Variants in ABCA12 observed in about 807,000 individuals in gnomAD.
ABCA12 encodes the protein glucosylceramide transporter ABCA12.
Under a neutral mutation model 293.5 loss-of-function variants are expected in ABCA12, and 156 were observed. That is an observed-to-expected ratio of 0.53 (90% CI 0.47 to 0.61). The LOEUF is 0.61. ABCA12 is among the 20% of genes least tolerant of loss of function. The probability of loss-of-function intolerance (pLI) is 0.00; values close to 1 mark genes in which losing one functional copy is unlikely to be tolerated. For synonymous variants in ABCA12, 1,063 were observed against 1,108.0 expected (o/e 0.96, Z 0.81); for missense variants, 2,797 against 3,090.2 (o/e 0.91, Z 2.25).
rs765231909 is a variant in ABCA12 at position 214,942,908 on chromosome 2, A to T, written c.7436+17T>A. The T allele has an allele frequency of 1.9e-6, 3 of 1,606,938 alleles. No individual in the cohort carries two copies. Among genetic ancestry groups the T allele is most frequent in the Non-Finnish European group, 1.7e-6 (2 of 1,174,326 alleles). ...ATGACCCAACACTATCTGTTAAGCA[A>T]TGCATTTGTTCTTCACCTGCTCTTT... On this transcript the variant is annotated intron_variant, in intron 50 of 52. Transcript: ENST00000272895.
intron 1 of ABCA12, among the ~76,000 whole-genome samples, chr2:215,117,099 A>G (rs1229453834): frequency 2.6e-5 from 4 of 152,220 alleles, no homozygotes; most frequent in African/African-American, 7.2e-5. Flanking sequence ...ACCAATTTCA[A>G]ATTGTTCTAG....
At chr2:215,036,844 A>T (rs1278412941) in intron 8 of ABCA12, 109 bp downstream of exon 8, 1 of 955,726 alleles carries the variant, frequency 1.0e-6, no homozygotes, top group Non-Finnish European at 1.7e-6. Flanking sequence ...ATATGTCCCC[A>T]CCTAAGAATA....
At chr2:215,134,343 T>C (rs549667027) in intron 1 of ABCA12, among the ~76,000 whole-genome samples, 34 of 146,206 alleles carry the variant, frequency 2.3e-4, no homozygotes, top group Admixed American at 2.1e-3. Context: ...CATATATATG[T>C]ATATGTGTAT....
intron 24 of ABCA12, among the ~76,000 whole-genome samples, chr2:214,990,500 A>G (rs1699888063): frequency 6.6e-6 from 1 of 152,198 alleles, no homozygotes; most frequent in Non-Finnish European, 1.5e-5. Context: ...AGTATCACAT[A>G]TCATGGTTTT....
intron 36 of ABCA12, 88 bp from the exon 37 acceptor site, chr2:214,970,488 T>C (rs1049459253): frequency 6.7e-7 from 1 of 1,486,924 alleles, no homozygotes; most frequent in African/African-American, 1.4e-5. Flanking sequence ...GTCTCATGAT[T>C]TGTCTATTAC....
intron 2 of ABCA12, among the ~76,000 whole-genome samples, chr2:215,081,904 G>A (rs923820490): frequency 1.7e-4 from 26 of 152,058 alleles, no homozygotes; most frequent in African/African-American, 6.3e-4. Flanking sequence ...GGAGCATTGG[G>A]GATTGCGTTT....
At chr2:215,043,032 G>A (rs1458868500) in intron 7 of ABCA12, among the ~76,000 whole-genome samples, 1 of 152,010 alleles carries the variant, frequency 6.6e-6, no homozygotes, top group Admixed American at 6.6e-5. Context: ...TTCCCACCAA[G>A]AGTGTGCAAG....
Position 215,015,638 on chromosome 2 carries a change from T to C in ABCA12, c.1808A>G (p.His603Arg), listed in dbSNP as rs1488687600. Residue 603 changes from histidine (H) to arginine (R), a missense_variant, in exon 15 of 53, where the codon CAT becomes CGT. This residue lies in a region of ABCA12 where 2,130 missense variants were observed against 2,427.0 expected (regional missense o/e 0.88). Coordinates refer to ENST00000272895, the MANE Select transcript of ABCA12 (RefSeq NM_173076.3). ...AEIISQVFWL[H>R]SCDTNITTPK... ...AGTGGTGATATTAGTATCACAGGAA[T>C]GCAGCCAGAACACCTGAGAAATAAT... 6.2e-7 allele frequency: 1 copy of C among 1,614,060 alleles called. No individual in the cohort carries two copies. Among genetic ancestry groups the C allele is most frequent in the Admixed American group, 1.7e-5 (1 of 60,028 alleles).
At chr2:215,122,766 T>C (rs1420197676) in intron 1 of ABCA12, among the ~76,000 whole-genome samples, 1 of 152,212 alleles carries the variant, frequency 6.6e-6, no homozygotes, top group Non-Finnish European at 1.5e-5. Flanking sequence ...AGTCACTCCT[T>C]GATGTGCCTA....
Position 214,975,787 on chromosome 2 carries a change from A to G in ABCA12, c.5379T>C (p.Tyr1793=), listed in dbSNP as rs1699500853. The G allele has an allele frequency of 6.2e-7, 1 of 1,614,084 alleles. No individual in the cohort carries two copies. The highest frequency in any genetic ancestry group is 8.5e-7 in the Non-Finnish European group (1 of 1,179,948). The change falls in exon 34 of 53, where the codon TAT becomes TAC. Residue 1793 remains tyrosine (Y), a splice_region_variant and synonymous_variant. Coordinates refer to ENST00000272895, the MANE Select transcript of ABCA12 (RefSeq NM_173076.3). ...LYGTSEQTAF[Y]ANYHPSTEAL... is the part of the protein sequence containing the mutation. ...TTAGTTAACAGAAAGAAACTTACGC[A>G]TAGAAGGCTGTCTGTTCGGAGGTAC... is the stretch of plus-strand genomic sequence containing the variant.
At position 214,970,318 on chromosome 2, in the gene ABCA12, A is replaced by G. The variant is rs759517593; in HGVS notation, c.5645T>C (p.Val1882Ala). The change falls in exon 37 of 53, where the codon GTG becomes GCG. Residue 1882 changes from valine to alanine, a missense_variant. Physicochemically the swap from Val to Ala is moderately conservative, Grantham distance 64. Transcript: ENST00000272895. The part of the protein sequence containing the change: ...QVIYNLTGQR[V>A]ENYLISTANE... ...TGCAGTTGATATAAGATAATTTTCC[A>G]CTCGTTGCCCAGTGAGGTTATAAAT... 1.2e-6 allele frequency: 2 copies of G among 1,613,174 alleles called. No homozygotes were observed. Among genetic ancestry groups the G allele is most frequent in the Admixed American group, 1.7e-5 (1 of 59,964 alleles).
chr2:214,959,384 T>C (rs1046571662), intron 39 of ABCA12, among the ~76,000 whole-genome samples: 1 of 152,130 alleles, frequency 6.6e-6, no homozygotes, highest in African/African-American at 2.4e-5. Flanking sequence ...TATGTTCCAT[T>C]TTTTTCCTTC....
At chr2:214,960,020 T>G (rs115010775) in intron 39 of ABCA12, among the ~76,000 whole-genome samples, 3 of 152,168 alleles carry the variant, frequency 2.0e-5, no homozygotes, top group African/African-American at 7.2e-5. Context: ...TAGTATTTGT[T>G]CATTGTACTA....
chr2:214,982,158 G>T, intron 30 of ABCA12, 29 bp downstream of exon 30: 1 of 1,608,742 alleles, frequency 6.2e-7, no homozygotes, highest in Non-Finnish European at 8.5e-7. Flanking sequence ...TGACTGTTGG[G>T]TGGAGAAGTT....
Position 214,950,986 on chromosome 2 carries a change from C to T in ABCA12, c.6745G>A (p.Ala2249Thr), listed in dbSNP as rs764693313. The change falls in exon 45 of 53, where the codon GCT (alanine) becomes ACT (threonine). Residue 2249 changes from alanine to threonine, a missense_variant. Transcript: ENST00000272895. The part of the protein sequence containing the change: ...AERLRVESGA[A>T]EFDLVQLYCL... ...TAAAGTTGGACCAAGTCAAATTCAG[C>T]TGCACCACTCTCAACTCTTAATCTC... is the stretch of plus-strand genomic sequence containing the variant. The T allele has an allele frequency of 1.9e-6, 3 of 1,614,112 alleles. No homozygotes were observed.
chr2:215,054,732 G>A lies in ABCA12; in HGVS notation c.318-68C>T, dbSNP rs558047227. 11 of 1,236,664 alleles carry A rather than the reference G, an allele frequency of 8.9e-6. No individual in the cohort carries two copies. The East Asian group carries it at 2.6e-4, about 29-fold the overall frequency. The allele number at this position is 1,236,664 out of a possible 1,614,324, so 76.6% of individuals were successfully genotyped here. A position where few individuals can be genotyped will look rare whatever the true frequency, so the allele number is the denominator to read the frequency against. ...AATTTTAGTTACAGCAATGTATTAT[G>A]TGGCAGATTCCAGGGCTGTCTGAGG... On this transcript the variant is annotated intron_variant, in intron 3 of 52. Coordinates refer to ENST00000272895, the MANE Select transcript of ABCA12 (RefSeq NM_173076.3).
intron 37 of ABCA12, 28 bp downstream of exon 37, chr2:214,970,245 T>C (rs1475621852): frequency 1.3e-6 from 2 of 1,591,560 alleles, no homozygotes; most frequent in East Asian, 2.3e-5. Context: ...AGCAAGCAAT[T>C]AAATATGTTA....
At chr2:214,980,757 A>G in intron 30 of ABCA12, 114 bp from the exon 31 acceptor site, 1 of 1,374,604 alleles carries the variant, frequency 7.3e-7, no homozygotes, top group Non-Finnish European at 1.0e-6. Context: ...ACATTTCATG[A>G]GCTAACTGAA....
chr2:215,102,028 C>CGTGTGT (rs71399171), intron 2 of ABCA12, among the ~76,000 whole-genome samples: 184 of 150,082 alleles, frequency 1.2e-3, no homozygotes, highest in Non-Finnish European at 2.2e-3. Flanking sequence ...TGTTTGTACA[C>CGTGTGT]GTGTGTGTGT....
Sources: gnomAD v4.1 joint callset for allele counts (sites outside exome capture counted in the v4.1 genomes callset) on GRCh38, gnomAD v4.1.1 for gene constraint, gnomAD v4.1.1 regional missense constraint, MANE v1.5 for transcripts, NCBI Gene and HGNC (gene_info 2026-07-23, HGNC 2026-07-21) for gene names.